The following EPM2A variants were observed in gnomAD, a reference collection of about 807,000 sequenced individuals.
The protein encoded by EPM2A is laforin.
EPM2A carries 21 observed loss-of-function variants against 26.5 expected under a neutral mutation model. The ratio of observed to expected loss-of-function variants is 0.79; its 90% confidence interval spans 0.56 to 1.14. EPM2A has a LOEUF of 1.14. EPM2A is among the 50% of genes most tolerant of loss of function. The pLI is 0.00. For synonymous variants in EPM2A, 217 were observed against 177.6 expected (o/e 1.22, Z -1.76); for missense variants, 458 against 440.8 (o/e 1.04, Z -0.35).
intron 4 of EPM2A, among the ~76,000 whole-genome samples, chr6:145,395,047 A>G (rs1778386617): frequency 1.3e-5 from 2 of 152,258 alleles, no homozygotes; most frequent in South Asian, 2.1e-4. Context: ...TCAGAATTCT[A>G]TTAAGTTTCA....
chr6:145,669,172 A>T (rs183054807), intron 2 of EPM2A, among the ~76,000 whole-genome samples: 103 of 152,358 alleles, frequency 6.8e-4, no homozygotes, highest in African/African-American at 2.4e-3. Context: ...AGAAAAAGGA[A>T]GACAGGAAAG....
At chr6:145,645,364 TGGC>T (rs1777383742) in intron 2 of EPM2A, among the ~76,000 whole-genome samples, 1 of 152,146 alleles carries the variant, frequency 6.6e-6, no homozygotes, top group African/African-American at 2.4e-5. Flanking sequence ...TGGAGTACAG[TGGC>T]ACAATCATGG....
intron 4 of EPM2A, among the ~76,000 whole-genome samples, chr6:145,462,549 A>T (rs971832096): frequency 2.0e-5 from 3 of 152,218 alleles, no homozygotes; most frequent in African/African-American, 7.2e-5. Flanking sequence ...ACTAATTAAA[A>T]GCAATGAATC....
At chr6:145,716,445 T>C (rs971267389) in intron 1 of EPM2A, among the ~76,000 whole-genome samples, 2 of 152,168 alleles carry the variant, frequency 1.3e-5, no homozygotes, top group East Asian at 3.9e-4. Context: ...GAAAATTTAC[T>C]AGAAAGTTGT....
At chr6:145,694,118 A>G (rs1781436898) in intron 1 of EPM2A, among the ~76,000 whole-genome samples, 1 of 152,000 alleles carries the variant, frequency 6.6e-6, no homozygotes, top group Non-Finnish European at 1.5e-5. Flanking sequence ...AATAAATTTT[A>G]CAATTATTAT....
Position 145,735,423 on chromosome 6 carries a change from G to A in EPM2A, c.76C>T (p.Arg26Trp). 1.6e-6 allele frequency: 2 copies of A among 1,255,518 alleles called. No individual in the cohort carries two copies. The highest frequency in any genetic ancestry group is 2.6e-5 in the South Asian group (1 of 38,662). The allele number at this position is 1,255,518 out of a possible 1,614,324, so 77.8% of individuals were successfully genotyped here. A position where few individuals can be genotyped will look rare whatever the true frequency, so the allele number is the denominator to read the frequency against. Reference protein sequence around the residue: ...ARPELLVVGSRPELGRWEPRG... With the variant: ...ARPELLVVGSWPELGRWEPRG... Reference sequence around the variant, plus strand: ...GGCTCCCAACGCCCCAGCTCGGGCCGCGACCCCACCACCAGCAGCTCCGGC... The same window carrying A: ...GGCTCCCAACGCCCCAGCTCGGGCCACGACCCCACCACCAGCAGCTCCGGC... The change falls in exon 1 of 4, where the codon CGG (arginine) becomes TGG (tryptophan). Residue 26 changes from arginine to tryptophan, a missense_variant. Physicochemically the swap from Arg to Trp is moderately radical, Grantham distance 101. Coordinates refer to ENST00000367519, the MANE Select transcript of EPM2A (RefSeq NM_005670.4).
At chr6:145,543,147 A>G (rs1780537529) in intron 2 of EPM2A, among the ~76,000 whole-genome samples, 1 of 152,182 alleles carries the variant, frequency 6.6e-6, no homozygotes, top group South Asian at 2.1e-4. Flanking sequence ...TAGATTTATG[A>G]GATTAAAAAG....
At chr6:145,548,776 C>T (rs1780616798) in intron 2 of EPM2A, among the ~76,000 whole-genome samples, 1 of 152,106 alleles carries the variant, frequency 6.6e-6, no homozygotes, top group South Asian at 2.1e-4. Flanking sequence ...CTAAACTCGG[C>T]TCTCACTCAC....
intron 1 of EPM2A, among the ~76,000 whole-genome samples, chr6:145,732,010 G>A (rs1388058899): frequency 1.3e-5 from 2 of 152,062 alleles, no homozygotes; most frequent in African/African-American, 4.8e-5. Flanking sequence ...CAATCAAGTG[G>A]GAAAGCCAAA....
chr6:145,680,259 G>A (rs1455280676), intron 2 of EPM2A: 1 of 151,438 alleles, frequency 6.6e-6, no homozygotes, highest in Non-Finnish European at 1.5e-5. Context: ...TGGCATGTAT[G>A]CCTTGGCTAA....
intron 4 of EPM2A, among the ~76,000 whole-genome samples, chr6:145,438,335 T>G (rs1779015752): frequency 6.6e-6 from 1 of 152,274 alleles, no homozygotes; most frequent in East Asian, 1.9e-4. Flanking sequence ...AATTGTGTGC[T>G]TATCTCTCCC....
At chr6:145,631,897 ACACACT>A (rs1776288813) in intron 3 of EPM2A, 1 of 147,886 alleles carries the variant, frequency 6.8e-6, no homozygotes, top group Non-Finnish European at 1.5e-5. Context: ...ACACACACAC[ACACACT>A]TTCCTTTCTT....
chr6:145,514,447 A>T (rs1485940694), intron 2 of EPM2A, among the ~76,000 whole-genome samples: 1 of 152,178 alleles, frequency 6.6e-6, no homozygotes, highest in Admixed American at 6.6e-5. Context: ...AGATCAGGAA[A>T]AAACAAACAA....
At chr6:145,688,983 C>T (rs182459041) in intron 1 of EPM2A, among the ~76,000 whole-genome samples, 1 of 152,258 alleles carries the variant, frequency 6.6e-6, no homozygotes, top group African/African-American at 2.4e-5. Flanking sequence ...ATCTGTGGCT[C>T]CCATTGGTCA....
At chr6:145,724,848 G>A (rs894409575) in intron 1 of EPM2A, among the ~76,000 whole-genome samples, 1 of 151,844 alleles carries the variant, frequency 6.6e-6, no homozygotes, top group African/African-American at 2.4e-5. Context: ...AAAATTAACA[G>A]AAAATGGCTT....
chr6:145,594,763 C>G (rs1464830814), intron 2 of EPM2A, among the ~76,000 whole-genome samples: 1 of 151,602 alleles, frequency 6.6e-6, no homozygotes, highest in Non-Finnish European at 1.5e-5. Context: ...ACAGAACAGC[C>G]AATTTAATTT....
At chr6:145,689,537 C>T (rs1208042042) in intron 1 of EPM2A, among the ~76,000 whole-genome samples, 4 of 152,148 alleles carry the variant, frequency 2.6e-5, no homozygotes, top group Non-Finnish European at 5.9e-5. Flanking sequence ...ATATCCCAGA[C>T]TTAGATCTGA....
chr6:145,536,940 G>A (rs1025402728), intron 2 of EPM2A, among the ~76,000 whole-genome samples: 5 of 152,184 alleles, frequency 3.3e-5, no homozygotes, highest in African/African-American at 9.7e-5. Context: ...CCTGATTGTA[G>A]GTTGTTGGCA....
chr6:145,450,638 T>C (rs1198815219), intron 4 of EPM2A, among the ~76,000 whole-genome samples: 1 of 152,166 alleles, frequency 6.6e-6, no homozygotes, highest in African/African-American at 2.4e-5. Context: ...CAAATCTCAT[T>C]TTCCCTTTAC....
Sources: gnomAD v4.1 joint callset for allele counts (sites outside exome capture counted in the v4.1 genomes callset) on GRCh38, gnomAD v4.1.1 for gene constraint, MANE v1.5 for transcripts, NCBI Gene and HGNC (gene_info 2026-07-23, HGNC 2026-07-21) for gene names.